Variants in ATP8A2 observed in about 807,000 individuals in gnomAD.
The protein encoded by ATP8A2 is ATPase phospholipid transporting 8A2.
ATP8A2 carries 100 observed loss-of-function variants against 165.6 expected under a neutral mutation model. The observed-to-expected ratio is 0.60, with a 90% CI of 0.51 to 0.71. The LOEUF is 0.71. ATP8A2 is among the 30% of genes least tolerant of loss of function. ATP8A2 has a pLI of 0.00. For missense variants in ATP8A2, 1,227 were observed against 1,479.5 expected (o/e 0.83, Z 2.80); for synonymous variants, 543 against 548.8 (o/e 0.99, Z 0.15).
rs1173059102 is a variant in ATP8A2, at chr13:25,924,017, G to A, written c.3184-37558G>A. On this transcript the variant is annotated intron_variant, in intron 33 of 36. Transcript: ENST00000381655. Reference sequence around the variant, plus strand: ...TTTCCAAATAGCTGAGATGGATGGGGAAACCAGTACTAGCCAGGAAGCTAC... The same window carrying A: ...TTTCCAAATAGCTGAGATGGATGGGAAAACCAGTACTAGCCAGGAAGCTAC... Among the ~76,000 whole-genome samples, 3 of 152,150 alleles carry A rather than the reference G, an allele frequency of 2.0e-5. No homozygotes were observed. In the East Asian group the frequency reaches 5.8e-4, roughly 29 times the overall value.
intron 1 of ATP8A2, among the ~76,000 whole-genome samples, chr13:25,422,100 C>T (rs1309396715): frequency 6.6e-6 from 1 of 152,112 alleles, no homozygotes; most frequent in Non-Finnish European, 1.5e-5. Flanking sequence ...TCAGAAAAGA[C>T]AAAGCAGTAT....
intron 27 of ATP8A2, among the ~76,000 whole-genome samples, chr13:25,806,974 A>G (rs906202013): frequency 6.6e-6 from 1 of 152,084 alleles, no homozygotes; most frequent in African/African-American, 2.4e-5. Flanking sequence ...TTTATATATC[A>G]TCTTTGGAGC....
intron 18 of ATP8A2, among the ~76,000 whole-genome samples, chr13:25,573,002 G>A (rs991732945): frequency 6.6e-6 from 1 of 152,116 alleles, no homozygotes; most frequent in Non-Finnish European, 1.5e-5. Context: ...ATGTGATCAT[G>A]TTTACTTTTA....
At chr13:25,985,678 A>G (rs1956268358) in intron 35 of ATP8A2, among the ~76,000 whole-genome samples, 1 of 152,186 alleles carries the variant, frequency 6.6e-6, no homozygotes, top group Non-Finnish European at 1.5e-5. Flanking sequence ...CAGGGAGGTG[A>G]CCCAAAGTAA....
intron 27 of ATP8A2, among the ~76,000 whole-genome samples, chr13:25,793,898 G>A (rs1478400892): frequency 6.6e-6 from 1 of 152,164 alleles, no homozygotes; most frequent in Non-Finnish European, 1.5e-5. Context: ...CTTTAGCTGA[G>A]ATTGTCATTT....
At chr13:25,532,909 G>T (rs1260593932) in intron 5 of ATP8A2, among the ~76,000 whole-genome samples, 1 of 152,142 alleles carries the variant, frequency 6.6e-6, no homozygotes, top group African/African-American at 2.4e-5. Context: ...CAAGCAGTCT[G>T]CCTGCCTTGG....
rs34413425 is a variant in ATP8A2, at chr13:25,697,268, TTTG to T, written c.2212-1881_2212-1879del. Among the ~76,000 whole-genome samples, 387 of 150,996 alleles carry T rather than the reference TTTG, an allele frequency of 2.6e-3. 3 individuals carry two copies. The highest frequency in any genetic ancestry group is 8.2e-3 in the African/African-American group (336 of 41,028). ...TATTTTCCTTGATAGGGAAAATTCT[TTTG>T]TTGTTGTTGTTGTTGTTGTTGTTTT... On this transcript the variant is annotated intron_variant, in intron 24 of 36. Transcript: ENST00000381655.
At chr13:25,435,371 G>A (rs1312214568) in intron 1 of ATP8A2, among the ~76,000 whole-genome samples, 3 of 151,968 alleles carry the variant, frequency 2.0e-5, no homozygotes, top group African/African-American at 4.8e-5. Flanking sequence ...CACCTGCCTC[G>A]GCCTCCCAAA....
intron 27 of ATP8A2, among the ~76,000 whole-genome samples, chr13:25,793,677 A>G (rs2045242314): frequency 6.6e-6 from 1 of 151,762 alleles, no homozygotes; most frequent in Non-Finnish European, 1.5e-5. Context: ...TTTTATCTTT[A>G]CTGGAAAAAA....
chr13:25,516,782 A>C (rs1299769987), intron 2 of ATP8A2, among the ~76,000 whole-genome samples: 23 of 126,278 alleles, frequency 1.8e-4, no homozygotes, highest in African/African-American at 6.3e-4. Context: ...TTTCTTTCTT[A>C]CTTTTTTTTT....
chr13:25,912,484 T>C (rs960989298), intron 33 of ATP8A2, among the ~76,000 whole-genome samples: 1 of 152,148 alleles, frequency 6.6e-6, no homozygotes, highest in African/African-American at 2.4e-5. Context: ...TACAGAGTAG[T>C]GAATATAGTA....
intron 25 of ATP8A2, among the ~76,000 whole-genome samples, chr13:25,762,069 C>T (rs1486021600): frequency 6.6e-6 from 1 of 151,822 alleles, no homozygotes; most frequent in Non-Finnish European, 1.5e-5. Flanking sequence ...CAAGACCAGG[C>T]TGGCCAACAT....
chr13:25,472,918 G>A (rs2035886693), intron 2 of ATP8A2, among the ~76,000 whole-genome samples: 1 of 152,208 alleles, frequency 6.6e-6, no homozygotes, highest in Admixed American at 6.5e-5. Context: ...TGGGAAGCTG[G>A]CATTTGACTA....
intron 10 of ATP8A2, among the ~76,000 whole-genome samples, chr13:25,548,340 T>C (rs1233640473): frequency 1.3e-5 from 2 of 152,144 alleles, no homozygotes; most frequent in African/African-American, 4.8e-5. Flanking sequence ...AAAGTGCACA[T>C]GTTGAAGCTT....
chr13:25,925,926 A>G (rs781506084), intron 33 of ATP8A2, among the ~76,000 whole-genome samples: 12 of 152,004 alleles, frequency 7.9e-5, no homozygotes, highest in Non-Finnish European at 1.5e-4. Flanking sequence ...AGGTTTCTCC[A>G]TATTGGCCAG....
intron 1 of ATP8A2, among the ~76,000 whole-genome samples, chr13:25,413,510 G>T (rs1224667891): frequency 6.6e-6 from 1 of 151,884 alleles, no homozygotes; most frequent in Non-Finnish European, 1.5e-5. Context: ...TTGAACTCCT[G>T]GCCTCAGGTG....
At chr13:25,431,996 C>A (rs545559871) in intron 1 of ATP8A2, among the ~76,000 whole-genome samples, 1 of 152,208 alleles carries the variant, frequency 6.6e-6, no homozygotes, top group South Asian at 2.1e-4. Context: ...TGGTGTGTGG[C>A]CTTTGTGTTT....
intron 22 of ATP8A2, 120 bp from the exon 23 acceptor site, chr13:25,581,699 A>G (rs922086830): frequency 4.0e-6 from 4 of 990,796 alleles, no homozygotes; most frequent in Admixed American, 2.1e-5. Context: ...ACACAAGTAT[A>G]AAATAGAGGA....
intron 24 of ATP8A2, among the ~76,000 whole-genome samples, chr13:25,698,431 CTA>C (rs2042881542): frequency 6.6e-6 from 1 of 152,100 alleles, no homozygotes; most frequent in Non-Finnish European, 1.5e-5. Flanking sequence ...CGGGGTTTCT[CTA>C]TGTTACTGAG....
Sources: gnomAD v4.1 joint callset for allele counts (sites outside exome capture counted in the v4.1 genomes callset) on GRCh38, gnomAD v4.1.1 for gene constraint, MANE v1.5 for transcripts, NCBI Gene and HGNC (gene_info 2026-07-23, HGNC 2026-07-21) for gene names.